NTRK2: variants seen among roughly 807,000 people sequenced by gnomAD.
NTRK2 encodes BDNF/NT-3 growth factors receptor.
In NTRK2, 13 loss-of-function variants were observed where a neutral mutation model predicts 94.5. That is an observed-to-expected ratio of 0.14 (90% CI 0.09 to 0.22). The LOEUF (loss-of-function observed/expected upper bound fraction) is 0.22, where lower values mean the gene tolerates loss of function less well. Ranked by LOEUF, NTRK2 falls within the 10% of genes least tolerant of loss-of-function variation. The probability of loss-of-function intolerance (pLI) is 1.00; values close to 1 mark genes in which losing one functional copy is unlikely to be tolerated. For missense variants in NTRK2, 639 were observed against 1,071.2 expected (o/e 0.60, Z 5.63); for synonymous variants, 372 against 407.4 (o/e 0.91, Z 1.05).
At chr9:84,718,523 A>G (rs2061854925) in intron 6 of NTRK2, among the ~76,000 whole-genome samples, 1 of 152,178 alleles carries the variant, frequency 6.6e-6, no homozygotes, top group Admixed American at 6.5e-5. Flanking sequence ...ACAGGCCAGT[A>G]CATCCTTCCT....
At chr9:84,770,002 C>T (rs535951638) in intron 12 of NTRK2, among the ~76,000 whole-genome samples, 7 of 152,264 alleles carry the variant, frequency 4.6e-5, no homozygotes, top group Non-Finnish European at 1.5e-5. Flanking sequence ...CAGTGCTCTG[C>T]TCAGGTACCC....
intron 6 of NTRK2, among the ~76,000 whole-genome samples, chr9:84,722,077 G>A (rs1357851242): frequency 6.6e-6 from 1 of 151,444 alleles, no homozygotes; most frequent in Non-Finnish European, 1.5e-5. Context: ...GTATGTGCCA[G>A]GTTTAGGGTG....
chr9:84,752,824 T>C (rs751735194), intron 12 of NTRK2, among the ~76,000 whole-genome samples: 4 of 152,350 alleles, frequency 2.6e-5, no homozygotes, highest in East Asian at 3.9e-4. Flanking sequence ...TTGGATAATA[T>C]GCCAGTGTTG....
chr9:84,972,264 C>T (rs899885240), intron 17 of NTRK2, among the ~76,000 whole-genome samples: 8 of 152,200 alleles, frequency 5.3e-5, no homozygotes, highest in Non-Finnish European at 8.8e-5. Flanking sequence ...AGATTTGGCA[C>T]GATGTAAAGA....
intron 12 of NTRK2, among the ~76,000 whole-genome samples, chr9:84,756,399 C>T (rs1447808625): frequency 6.6e-6 from 1 of 152,146 alleles, no homozygotes; most frequent in Non-Finnish European, 1.5e-5. Context: ...ACCAGAGCTG[C>T]CAAGTCTTCA....
chr9:84,717,436 A>G lies in NTRK2; in HGVS notation c.584-6137A>G, dbSNP rs576707912. ...TTGAAGCACCTAGTCAATTTGGTCA[A>G]CTCTCAAGAAGTATGCACTAATAGG... On this transcript the variant is annotated intron_variant, in intron 6 of 18. Coordinates refer to ENST00000277120, the MANE Select transcript of NTRK2 (RefSeq NM_006180.6). Among the ~76,000 whole-genome samples, 26 of 152,308 alleles carry G rather than the reference A, an allele frequency of 1.7e-4. No homozygotes were observed. In the South Asian group the frequency reaches 5.2e-3, roughly 30 times the overall value.
chr9:84,832,186 T>C (rs939695611), intron 12 of NTRK2, among the ~76,000 whole-genome samples: 1 of 152,218 alleles, frequency 6.6e-6, no homozygotes, highest in Non-Finnish European at 1.5e-5. Flanking sequence ...TCTTAGATTC[T>C]TAATAAGTTA....
At chr9:84,834,873 G>A (rs1479699917) in intron 12 of NTRK2, among the ~76,000 whole-genome samples, 1 of 152,138 alleles carries the variant, frequency 6.6e-6, no homozygotes, top group East Asian at 1.9e-4. Context: ...TAAATGAGGG[G>A]TCTGCATTTT....
intron 2 of NTRK2, among the ~76,000 whole-genome samples, chr9:84,678,602 A>G (rs1372747621): frequency 6.6e-6 from 1 of 152,166 alleles, no homozygotes; most frequent in African/African-American, 2.4e-5. Flanking sequence ...GGCTTGGCTT[A>G]TTCCTCTGTG....
chr9:84,784,938 C>T (rs1196092069), intron 12 of NTRK2, among the ~76,000 whole-genome samples: 1 of 151,954 alleles, frequency 6.6e-6, no homozygotes, highest in Non-Finnish European at 1.5e-5. Flanking sequence ...TTTTTCTTCT[C>T]GCAATTTAGT....
intron 12 of NTRK2, among the ~76,000 whole-genome samples, chr9:84,762,136 C>T (rs1043451112): frequency 2.0e-5 from 3 of 152,200 alleles, no homozygotes; most frequent in Non-Finnish European, 4.4e-5. Flanking sequence ...GACCTCAGCC[C>T]TGTGCAACTG....
At chr9:84,698,572 T>A (rs1339045561) in intron 2 of NTRK2, among the ~76,000 whole-genome samples, 2 of 152,172 alleles carry the variant, frequency 1.3e-5, no homozygotes, top group Non-Finnish European at 2.9e-5. Flanking sequence ...ATAGAATTGC[T>A]GGGCCCTGAA....
intron 2 of NTRK2, among the ~76,000 whole-genome samples, chr9:84,682,734 T>G (rs1023845593): frequency 1.5e-4 from 23 of 152,234 alleles, no homozygotes; most frequent in African/African-American, 5.3e-4. Flanking sequence ...ATATAGCACA[T>G]ATATAGGTCT....
chr9:84,984,105 G>C (rs1467790057), intron 17 of NTRK2, among the ~76,000 whole-genome samples: 1 of 152,184 alleles, frequency 6.6e-6, no homozygotes, highest in Non-Finnish European at 1.5e-5. Flanking sequence ...CTTCAGTGAT[G>C]ATTAGCCTTT....
intron 14 of NTRK2, among the ~76,000 whole-genome samples, chr9:84,912,915 C>A (rs2077285338): frequency 6.6e-6 from 1 of 152,158 alleles, no homozygotes; most frequent in South Asian, 2.1e-4. Flanking sequence ...TGCACCCGGC[C>A]TAACCTGCCT....
At position 84,687,518 on chromosome 9, in the gene NTRK2, A is replaced by G. The variant is rs146409753; in HGVS notation, c.213-14641A>G. The stretch of plus-strand genomic sequence containing the variant: ...AAATTCCTGGTGTCTTGAGGGTACT[A>G]TAGAGCCTCTTACTTACCCAGTCTA... On this transcript the variant is annotated intron_variant, in intron 2 of 18. Transcript: ENST00000277120. Among the ~76,000 whole-genome samples the G allele has an allele frequency of 7.9e-5, 12 of 152,250 alleles. No individual in the cohort carries two copies. In the East Asian group the frequency reaches 2.3e-3, roughly 29 times the overall value.
At position 84,932,719 on chromosome 9, in the gene NTRK2, C is replaced by T. The variant is rs144068016; in HGVS notation, c.1634-1443C>T. On this transcript the variant is annotated intron_variant, in intron 14 of 18. Coordinates refer to ENST00000277120, the MANE Select transcript of NTRK2 (RefSeq NM_006180.6). ...TATAATTGTGGGATACATCAGAATA[C>T]GAACAAGCTATGACAGAATGTGAGT... Among the ~76,000 whole-genome samples the T allele has an allele frequency of 2.3e-4, 35 of 152,128 alleles. 1 individual carries two copies. The highest frequency in any genetic ancestry group is 6.7e-4 in the African/African-American group (28 of 41,508).
In NTRK2 at chr9:84,934,233, T is replaced by A. The variant is rs2132719618; in HGVS notation, c.1705T>A (p.Phe569Ile). ...AGGCGAAGGAGCCTTTGGAAAAGTGTTCCTAGCTGAATGCTATAACCTCTG... is the reference window on the plus strand; with the variant it reads ...AGGCGAAGGAGCCTTTGGAAAAGTGATCCTAGCTGAATGCTATAACCTCTG... ...ELGEGAFGKV[F>I]LAECYNLCPE... Residue 569 changes from phenylalanine to isoleucine, a missense_variant, in exon 15 of 19, where the codon TTC becomes ATC. Coordinates refer to ENST00000277120, the MANE Select transcript of NTRK2 (RefSeq NM_006180.6). 1.9e-6 allele frequency: 3 copies of A among 1,614,022 alleles called. No individual in the cohort carries two copies. The highest frequency in any genetic ancestry group is 2.5e-6 in the Non-Finnish European group (3 of 1,179,916).
At position 85,024,313 on chromosome 9, in the gene NTRK2, T is replaced by G; in HGVS notation, c.*2876T>G. Reference sequence around the variant, plus strand: ...AGAGTGGCATCCTCGTTCTAAAATGTAATGATCACCAAATACGGCCTTCCA... The same window carrying G: ...AGAGTGGCATCCTCGTTCTAAAATGGAATGATCACCAAATACGGCCTTCCA... On this transcript the variant is annotated 3_prime_UTR_variant, in exon 19 of 19. Coordinates refer to ENST00000277120, the MANE Select transcript of NTRK2 (RefSeq NM_006180.6). The G allele has an allele frequency of 4.3e-6, 1 of 233,090 alleles. No homozygotes were observed. The allele number at this position is 233,090 out of a possible 1,614,324, so 14.4% of individuals were successfully genotyped here.
Sources: allele counts gnomAD v4.1 joint callset (sites outside exome capture counted in the v4.1 genomes callset), GRCh38; gene constraint gnomAD v4.1.1; transcripts MANE v1.5; gene names NCBI Gene and HGNC (gene_info 2026-07-23, HGNC 2026-07-21).